YY1: variants seen among roughly 807,000 people sequenced by gnomAD.
YY1 encodes the protein transcriptional repressor protein YY1.
A neutral mutation model predicts 35.6 loss-of-function variants in YY1; 2 were observed. The observed-to-expected ratio is 0.06, with a 90% CI of 0.02 to 0.18. The LOEUF (loss-of-function observed/expected upper bound fraction) is 0.18, where lower values mean the gene tolerates loss of function less well. YY1 is among the 10% of genes least tolerant of loss of function. The pLI is 1.00. For synonymous variants in YY1, 268 were observed against 238.9 expected, an observed-to-expected ratio of 1.12 and a Z score of -1.12; for missense variants, 322 against 573.4, an observed-to-expected ratio of 0.56 and a Z score of 4.48.
chr14:100,249,974 T>C lies in YY1; in HGVS notation c.679+10051T>C, dbSNP rs544744622. On this transcript the variant is annotated intron_variant, in intron 1 of 4. Coordinates refer to ENST00000262238, the MANE Select transcript of YY1 (RefSeq NM_003403.5). ...TTTTAGTAGAGATGGGGTTTCTGCA[T>C]GTTGGTCAGGCTGGTCTCGAACTCC... Among the ~76,000 whole-genome samples the C allele has an allele frequency of 5.9e-5, 9 of 152,212 alleles. No individual in the cohort carries two copies. In the East Asian group the frequency reaches 1.7e-3, roughly 29 times the overall value.
At chr14:100,242,841 C>T (rs920859882) in intron 1 of YY1, among the ~76,000 whole-genome samples, 8 of 152,074 alleles carry the variant, frequency 5.3e-5, no homozygotes, top group East Asian at 1.9e-4. Context: ...CTTCACCTCC[C>T]GGATTCAAGG....
chr14:100,276,050 A>C lies in YY1; in HGVS notation c.904-440A>C. 4.3e-6 allele frequency: 1 copy of C among 233,956 alleles called. No homozygotes were observed. Among genetic ancestry groups the C allele is most frequent in the South Asian group, 5.6e-5 (1 of 17,784 alleles). 14.5% of individuals were successfully genotyped at this position (233,956 alleles called of 1,614,324 possible). ...ATGGAGAATGACAGTCCATTGTTGC[A>C]GCACAGAATATGGGGCCACCAAAGG... On this transcript the variant is annotated intron_variant, in intron 3 of 4. Coordinates refer to ENST00000262238, the MANE Select transcript of YY1 (RefSeq NM_003403.5). The surrounding 1 kb of genome is among the most constrained non-coding windows in gnomAD (Gnocchi z 4.1).
chr14:100,250,857 AG>A lies in YY1; in HGVS notation c.679+10936del, dbSNP rs144807265. Among the ~76,000 whole-genome samples the A allele has an allele frequency of 5.0e-3, 748 of 149,862 alleles. 7 individuals carry two copies. The highest frequency in any genetic ancestry group is 0.017 in the African/African-American group (692 of 40,612). On this transcript the variant is annotated intron_variant, in intron 1 of 4. Transcript: ENST00000262238. ...CAGAAAATTAAAAAAAAAAAAAAAA[AG>A]GCCAGGCATGGTGGCATGTGCTTTT...
chr14:100,268,596 A>G (rs867439157), intron 2 of YY1, among the ~76,000 whole-genome samples: 1 of 152,248 alleles, frequency 6.6e-6, no homozygotes, highest in African/African-American at 2.4e-5. Context: ...ATATTAATGT[A>G]TAGATGAAAT....
intron 1 of YY1, among the ~76,000 whole-genome samples, chr14:100,254,786 T>A (rs1173304220): frequency 1.3e-5 from 2 of 149,776 alleles, no homozygotes; most frequent in African/African-American, 2.5e-5. Context: ...TTTTTTTTTT[T>A]TTTTGAGTCG....
chr14:100,250,299 A>G (rs944000604), intron 1 of YY1, among the ~76,000 whole-genome samples: 1 of 152,356 alleles, frequency 6.6e-6, no homozygotes. Context: ...CTAAGCAGTG[A>G]ATCGCAAATG....
At chr14:100,253,500 C>A (rs1890955137) in intron 1 of YY1, among the ~76,000 whole-genome samples, 1 of 152,216 alleles carries the variant, frequency 6.6e-6, no homozygotes, top group African/African-American at 2.4e-5. Flanking sequence ...TCACTGCAAC[C>A]TCTGCGTCTC....
rs1595334362 is a variant in YY1, at chr14:100,276,193, T to G, written c.904-297T>G. Reference sequence around the variant, plus strand: ...TAGAGCTGGAAGCCAGGGTGTTGGGTTCTATTCCCAGTTTGGCTACTACTA... The same window carrying G: ...TAGAGCTGGAAGCCAGGGTGTTGGGGTCTATTCCCAGTTTGGCTACTACTA... On this transcript the variant is annotated intron_variant, in intron 3 of 4. Coordinates refer to ENST00000262238, the MANE Select transcript of YY1 (RefSeq NM_003403.5). This position sits in a 1 kb window ranked among gnomAD's most constrained non-coding sequence, Gnocchi z 4.1. The G allele has an allele frequency of 2.5e-6, 1 of 401,362 alleles. No homozygotes were observed. The highest frequency in any genetic ancestry group is 4.7e-6 in the Non-Finnish European group (1 of 213,360). 24.9% of individuals were successfully genotyped at this position (401,362 alleles called of 1,614,324 possible).
At chr14:100,264,869 T>G (rs1891131202) in intron 2 of YY1, among the ~76,000 whole-genome samples, 1 of 152,142 alleles carries the variant, frequency 6.6e-6, no homozygotes, top group South Asian at 2.1e-4. Context: ...CTCAACACTT[T>G]GGGAAGCTGA....
chr14:100,241,532 G>T (rs941206096), intron 1 of YY1, among the ~76,000 whole-genome samples: 13 of 152,166 alleles, frequency 8.5e-5, no homozygotes, highest in Admixed American at 7.2e-4. Flanking sequence ...TGCATCCAGG[G>T]TGCCTTGTAG....
intron 1 of YY1, among the ~76,000 whole-genome samples, chr14:100,259,749 A>G (rs981906832): frequency 1.3e-5 from 2 of 152,210 alleles, no homozygotes; most frequent in African/African-American, 4.8e-5. Context: ...CCTGCCATGC[A>G]CTTGTGAATT....
At chr14:100,272,956 T>TG (rs56799145) in intron 2 of YY1, among the ~76,000 whole-genome samples, 86 of 129,442 alleles carry the variant, frequency 6.6e-4, no homozygotes, top group South Asian at 1.9e-3. Flanking sequence ...TTTTTGTTGT[T>TG]TTTTTTTTGT....
chr14:100,255,434 C>T (rs1890990705), intron 1 of YY1, among the ~76,000 whole-genome samples: 1 of 152,000 alleles, frequency 6.6e-6, no homozygotes, highest in Admixed American at 6.6e-5. Context: ...GCCTGGCCAA[C>T]ATGGTGAAAC....
intron 1 of YY1, among the ~76,000 whole-genome samples, chr14:100,260,304 C>CA (rs1421249981): frequency 6.7e-6 from 1 of 150,356 alleles, no homozygotes; most frequent in East Asian, 2.0e-4. Flanking sequence ...CTTGAACTCC[C>CA]AAAATGCTGG....
At chr14:100,258,476 A>G (rs2139584924) in intron 1 of YY1, among the ~76,000 whole-genome samples, 1 of 152,346 alleles carries the variant, frequency 6.6e-6, no homozygotes, top group East Asian at 1.9e-4. Context: ...TTTCTGAACA[A>G]GAGGCAGCAG....
At chr14:100,259,252 G>A (rs1194303947) in intron 1 of YY1, among the ~76,000 whole-genome samples, 1 of 152,088 alleles carries the variant, frequency 6.6e-6, no homozygotes, top group Non-Finnish European at 1.5e-5. Flanking sequence ...GGCAAGACCC[G>A]CCAGGCACTG....
Position 100,276,931 on chromosome 14 carries a change from A to G in YY1, c.1062+283A>G, listed in dbSNP as rs1198764907. 4.1e-6 allele frequency: 2 copies of G among 490,994 alleles called. No homozygotes were observed. Among genetic ancestry groups the G allele is most frequent in the Non-Finnish European group, 7.4e-6 (2 of 271,350 alleles). The allele number at this position is 490,994 out of a possible 1,614,324, so 30.4% of individuals were successfully genotyped here. On this transcript the variant is annotated intron_variant, in intron 4 of 4. Coordinates refer to ENST00000262238, the MANE Select transcript of YY1 (RefSeq NM_003403.5). The surrounding 1 kb of genome is among the most constrained non-coding windows in gnomAD (Gnocchi z 4.1). ...GATTGAAGAGCATACCTAAAACTCAATTTCTACTTCATTCATTACAGGATT... is the reference window on the plus strand; with the variant it reads ...GATTGAAGAGCATACCTAAAACTCAGTTTCTACTTCATTCATTACAGGATT...
chr14:100,251,804 C>G (rs1890929413), intron 1 of YY1, among the ~76,000 whole-genome samples: 1 of 151,690 alleles, frequency 6.6e-6, no homozygotes, highest in Non-Finnish European at 1.5e-5. Context: ...CTCTTTATTT[C>G]TTTGTAGAGG....
At chr14:100,260,661 C>T (rs1276418496) in intron 1 of YY1, among the ~76,000 whole-genome samples, 1 of 149,710 alleles carries the variant, frequency 6.7e-6, no homozygotes, top group African/African-American at 2.5e-5. Flanking sequence ...TTAGTAGAGA[C>T]AGGGTATCAT....
Sources: gnomAD v4.1 joint callset for allele counts (sites outside exome capture counted in the v4.1 genomes callset) on GRCh38, gnomAD v4.1.1 for gene constraint, Gnocchi (gnomAD v3.1) non-coding constraint, MANE v1.5 for transcripts, NCBI Gene and HGNC (gene_info 2026-07-23, HGNC 2026-07-21) for gene names.